Variants in RNF150 observed in about 807,000 individuals in gnomAD.
The protein encoded by RNF150 is ring finger protein 150.
In RNF150, 24 loss-of-function variants were observed where a neutral mutation model predicts 39.3. That is an observed-to-expected ratio of 0.61 (90% CI 0.44 to 0.86). The LOEUF is 0.86. RNF150 is among the 40% of genes least tolerant of loss of function. The pLI is 0.00. For missense variants in RNF150, 502 were observed against 587.8 expected (o/e 0.85, Z 1.51); for synonymous variants, 255 against 227.3 (o/e 1.12, Z -1.10).
At chr4:141,117,307 C>A (rs373680564) in intron 1 of RNF150, among the ~76,000 whole-genome samples, 2 of 152,092 alleles carry the variant, frequency 1.3e-5, no homozygotes, top group African/African-American at 4.8e-5. Flanking sequence ...ATAACAATGG[C>A]AAATTATCAA....
chr4:141,031,566 A>T, intron 1 of RNF150, among the ~76,000 whole-genome samples: 1 of 152,148 alleles, frequency 6.6e-6, no homozygotes, highest in Non-Finnish European at 1.5e-5. Flanking sequence ...GGAAAAAACC[A>T]AATTACTCAA....
intron 4 of RNF150, among the ~76,000 whole-genome samples, chr4:140,932,595 C>T (rs950991109): frequency 6.6e-6 from 1 of 152,164 alleles, no homozygotes; most frequent in Non-Finnish European, 1.5e-5. Context: ...AACCTTTATT[C>T]TTTCCCAGTG....
chr4:141,049,870 C>A (rs1736713155), intron 1 of RNF150, among the ~76,000 whole-genome samples: 1 of 151,768 alleles, frequency 6.6e-6, no homozygotes, highest in South Asian at 2.1e-4. Context: ...TAGCATGCCA[C>A]CACTAAAAAG....
At position 141,096,299 on chromosome 4, in the gene RNF150, C is replaced by G. The variant is rs189772401; in HGVS notation, c.484+36026G>C. On this transcript the variant is annotated intron_variant, in intron 1 of 6. Transcript: ENST00000515673. ...ACAACTTCCACCTCCCGGGTTCAAGCGATTCTCCTGCCTCAGGCTCCTGAG... is the reference window on the plus strand; with the variant it reads ...ACAACTTCCACCTCCCGGGTTCAAGGGATTCTCCTGCCTCAGGCTCCTGAG... Among the ~76,000 whole-genome samples, 39 of 145,202 alleles carry G rather than the reference C, an allele frequency of 2.7e-4. No individual in the cohort carries two copies. In the East Asian group the frequency reaches 8.6e-3, roughly 32 times the overall value.
chr4:140,885,725 C>T (rs1729546909), intron 6 of RNF150, among the ~76,000 whole-genome samples: 2 of 151,936 alleles, frequency 1.3e-5, no homozygotes, highest in African/African-American at 2.4e-5. Context: ...GCCTCAGCCT[C>T]CCACATAGCT....
chr4:141,067,618 T>C (rs1737513455), intron 1 of RNF150, among the ~76,000 whole-genome samples: 1 of 152,140 alleles, frequency 6.6e-6, no homozygotes, highest in Admixed American at 6.6e-5. Flanking sequence ...GGAAGAAAAA[T>C]CTTTGTTCCT....
intron 1 of RNF150, among the ~76,000 whole-genome samples, chr4:141,151,119 T>G (rs768078485): frequency 6.6e-6 from 1 of 152,018 alleles, no homozygotes; most frequent in Non-Finnish European, 1.5e-5. Context: ...TTTTAATATT[T>G]TTTTGTAGAG....
chr4:141,082,657 C>T (rs1738202428), intron 1 of RNF150, among the ~76,000 whole-genome samples: 3 of 149,918 alleles, frequency 2.0e-5, no homozygotes, highest in Admixed American at 6.7e-5. Context: ...GGCGGGATCT[C>T]GGCTCACTGC....
intron 1 of RNF150, among the ~76,000 whole-genome samples, chr4:140,999,993 A>AGAAGAAGAAG (rs1414434256): frequency 1.6e-5 from 1 of 63,306 alleles, no homozygotes; most frequent in Non-Finnish European, 3.5e-5. Flanking sequence ...GAAAAGAAGA[A>AGAAGAAGAAG]AAGAAGAAGA....
chr4:141,160,890 T>G (rs547577631), intron 1 of RNF150, among the ~76,000 whole-genome samples: 27 of 152,246 alleles, frequency 1.8e-4, no homozygotes, highest in Non-Finnish European at 3.7e-4. Context: ...AAGCCTCTTT[T>G]CTTTATAAAT....
chr4:140,884,070 C>T (rs1420521894), intron 6 of RNF150, among the ~76,000 whole-genome samples: 1 of 151,844 alleles, frequency 6.6e-6, no homozygotes, highest in Admixed American at 6.6e-5. Flanking sequence ...TGCTGTTAAT[C>T]TCCCTCAGTA....
Position 141,071,253 on chromosome 4 carries a change from G to A in RNF150, c.484+61072C>T, listed in dbSNP as rs1231702206. 1.4e-4 allele frequency among the ~76,000 whole-genome samples: 17 copies of A among 122,974 alleles called. No individual in the cohort carries two copies. The East Asian group carries it at 5.0e-3, about 36-fold the overall frequency. 80.7% of individuals were successfully genotyped at this position (122,974 alleles called of 152,430 possible). ...GTGGTGGGGTGGGGGGAGGGGGGAG[G>A]GATAGCATTGGGAGATATACCTAAT... On this transcript the variant is annotated intron_variant, in intron 1 of 6. Transcript: ENST00000515673.
In RNF150 at chr4:141,117,106, T is replaced by G. The variant is rs1421557318; in HGVS notation, c.484+15219A>C. Among the ~76,000 whole-genome samples the G allele has an allele frequency of 3.3e-5, 5 of 152,226 alleles. No homozygotes were observed. The East Asian group carries it at 9.7e-4, about 29-fold the overall frequency. On this transcript the variant is annotated intron_variant, in intron 1 of 6. Coordinates refer to ENST00000515673, the MANE Select transcript of RNF150 (RefSeq NM_020724.2). ...CACGTGTATACCTATGTAACAAACCTGCATGTTCTGCACATGTATCCCAGA... is the reference window on the plus strand; with the variant it reads ...CACGTGTATACCTATGTAACAAACCGGCATGTTCTGCACATGTATCCCAGA...
chr4:140,937,378 A>C (rs1731900338), intron 4 of RNF150, among the ~76,000 whole-genome samples: 1 of 152,110 alleles, frequency 6.6e-6, no homozygotes, highest in African/African-American at 2.4e-5. Context: ...ATCTTGCCTC[A>C]ACTTCCCGAT....
At chr4:141,173,739 T>C (rs1353902566) in intron 1 of RNF150, among the ~76,000 whole-genome samples, 1 of 152,180 alleles carries the variant, frequency 6.6e-6, no homozygotes, top group East Asian at 1.9e-4. Context: ...AGCCCTTTAC[T>C]TGGAACTCCA....
chr4:141,165,784 G>C (rs1326458443), intron 1 of RNF150, among the ~76,000 whole-genome samples: 1 of 152,112 alleles, frequency 6.6e-6, no homozygotes, highest in Non-Finnish European at 1.5e-5. Flanking sequence ...GAATCTCGGG[G>C]GCACAACTAA....
At chr4:140,907,290 C>T (rs1050180566) in intron 6 of RNF150, among the ~76,000 whole-genome samples, 2 of 152,122 alleles carry the variant, frequency 1.3e-5, no homozygotes, top group African/African-American at 4.8e-5. Flanking sequence ...CTGGGACTGC[C>T]ATGTGAGGTT....
intron 1 of RNF150, among the ~76,000 whole-genome samples, chr4:141,209,078 G>C (rs1482948789): frequency 6.6e-6 from 1 of 151,946 alleles, no homozygotes; most frequent in Non-Finnish European, 1.5e-5. Flanking sequence ...CCTCAAGGTT[G>C]CTCACTGCAA....
At chr4:141,077,205 A>G (rs1329716889) in intron 1 of RNF150, among the ~76,000 whole-genome samples, 3 of 152,228 alleles carry the variant, frequency 2.0e-5, no homozygotes, top group Non-Finnish European at 2.9e-5. Flanking sequence ...CCTCTACACA[A>G]ATGTTTACAG....
Sources: gnomAD v4.1 joint callset for allele counts (sites outside exome capture counted in the v4.1 genomes callset) on GRCh38, gnomAD v4.1.1 for gene constraint, MANE v1.5 for transcripts, NCBI Gene and HGNC (gene_info 2026-07-23, HGNC 2026-07-21) for gene names.